THADA: variants seen among roughly 807,000 people sequenced by gnomAD.
THADA encodes THADA armadillo repeat containing.
Under a neutral mutation model 219.8 loss-of-function variants are expected in THADA, and 213 were observed. The ratio of observed to expected loss-of-function variants is 0.97; its 90% CI spans 0.87 to 1.09. The LOEUF is 1.09. Among genes scored for constraint, THADA ranks in the 50% least tolerant of loss-of-function variants. The probability of loss-of-function intolerance (pLI) is 0.00; values close to 1 mark genes in which losing one functional copy is unlikely to be tolerated. For missense variants in THADA, 2,956 were observed against 2,311.3 expected (o/e 1.28, Z -5.72); for synonymous variants, 1,018 against 828.9 (o/e 1.23, Z -3.92).
At chr2:43,480,080 G>A (rs376211158) in intron 26 of THADA, among the ~76,000 whole-genome samples, 2 of 152,174 alleles carry the variant, frequency 1.3e-5, no homozygotes, top group African/African-American at 4.8e-5. Flanking sequence ...GAGGGAATCC[G>A]TTGTTTGGTG....
At chr2:43,471,721 C>T (rs1271103549) in intron 26 of THADA, among the ~76,000 whole-genome samples, 1 of 152,094 alleles carries the variant, frequency 6.6e-6, no homozygotes, top group African/African-American at 2.4e-5. Flanking sequence ...TAGAATAATA[C>T]TATAACATTT....
intron 33 of THADA, 72 bp from the exon 34 acceptor site, chr2:43,291,840 G>T: frequency 1.5e-6 from 2 of 1,357,782 alleles, no homozygotes; most frequent in Non-Finnish European, 2.0e-6. Flanking sequence ...GGTTTTTGCA[G>T]ATAGTCTGTA....
In THADA at chr2:43,563,161, G is replaced by A. The variant is rs1698273259; in HGVS notation, c.2312-2776C>T. ...AAAGTTAACTTGGTTATTAATTCAA[G>A]ATCTTTTAATGTAGGCATTTACAGC... is the stretch of plus-strand genomic sequence containing the variant. On this transcript the variant is annotated intron_variant, in intron 15 of 37. Transcript: ENST00000405975. 8 of 152,234 alleles carry A rather than the reference G, an allele frequency of 5.3e-5. No individual in the cohort carries two copies. In the South Asian group the frequency reaches 1.2e-3, roughly 24 times the overall value. 9.4% of individuals were successfully genotyped at this position (152,234 alleles called of 1,614,324 possible).
At chr2:43,293,335 TCAAACACTGTCATAAGTGAGTGGCC>T in intron 31 of THADA, 122 bp from the exon 32 acceptor site, 1 of 1,087,518 alleles carries the variant, frequency 9.2e-7, no homozygotes, top group Non-Finnish European at 1.3e-6. Context: ...TAAGCAGATT[TCAAACACTGTCATAAGTGAGTGGCC>T]CTCTAAGGTT....
At chr2:43,287,347 T>G (rs1420593848) in intron 34 of THADA, among the ~76,000 whole-genome samples, 1 of 152,074 alleles carries the variant, frequency 6.6e-6, no homozygotes, top group Non-Finnish European at 1.5e-5. Flanking sequence ...CAGGCTGGAG[T>G]GCAATGGTGC....
At chr2:43,538,271 G>C (rs904178910) in intron 21 of THADA, among the ~76,000 whole-genome samples, 1 of 152,156 alleles carries the variant, frequency 6.6e-6, no homozygotes, top group Non-Finnish European at 1.5e-5. Flanking sequence ...ACATCAACTA[G>C]TCAGGAAGTT....
intron 28 of THADA, among the ~76,000 whole-genome samples, chr2:43,399,580 C>CT (rs1354599006): frequency 6.6e-6 from 1 of 152,100 alleles, no homozygotes; most frequent in Non-Finnish European, 1.5e-5. Context: ...AAAAATGTGT[C>CT]TTTTTCCCCC....
chr2:43,541,200 G>T lies in THADA; in HGVS notation c.3223C>A (p.Pro1075Thr). 1 of 1,606,140 alleles carries T rather than the reference G, an allele frequency of 6.2e-7. No individual in the cohort carries two copies. The highest frequency in any genetic ancestry group is 8.5e-7 in the Non-Finnish European group (1 of 1,177,214). The part of the protein sequence containing the change: ...GMLCQLLPMQ[P>T]VPESSDGLLT... ...AATCCATCAGAAGATTCTGGCACAGGCTGCATGGGCAGAAGCTGGCACAAC... is the reference window on the plus strand; with the variant it reads ...AATCCATCAGAAGATTCTGGCACAGTCTGCATGGGCAGAAGCTGGCACAAC... The change falls in exon 21 of 38, where the codon CCT becomes ACT. Residue 1075 changes from proline to threonine, a missense_variant. By Grantham distance (38) the Pro-to-Thr change is conservative (BLOSUM62 -1). Transcript: ENST00000405975.
chr2:43,351,565 G>T lies in THADA; in HGVS notation c.4228-7328C>A, dbSNP rs1348837923. ...GCTCCAACATCTCCTTTAATTTGAT[G>T]ATTTTAAAAAACTGTTTAATCCCAT... On this transcript the variant is annotated intron_variant, in intron 29 of 37. Transcript: ENST00000405975. 3.9e-5 allele frequency among the ~76,000 whole-genome samples: 6 copies of T among 152,128 alleles called. No homozygotes were observed. The East Asian group carries it at 1.2e-3, about 29-fold the overall frequency.
intron 15 of THADA, among the ~76,000 whole-genome samples, chr2:43,561,136 T>C (rs184187366): frequency 6.6e-6 from 1 of 151,200 alleles, no homozygotes; most frequent in Non-Finnish European, 1.5e-5. Flanking sequence ...AAAGAAGGAA[T>C]CTTTTGGCCC....
In THADA at chr2:43,537,933, C is replaced by T. The variant is rs1574141488; in HGVS notation, c.3264+3226G>A. ...CTAGCTTGGGCGCCAGAATGGGACC[C>T]AGACTCAAAAAAAAAAAAAAAAACT... On this transcript the variant is annotated intron_variant, in intron 21 of 37. Transcript: ENST00000405975. 5.9e-5 allele frequency among the ~76,000 whole-genome samples: 8 copies of T among 135,660 alleles called. No individual in the cohort carries two copies. In the South Asian group the frequency reaches 1.9e-3, roughly 32 times the overall value. 89.0% of individuals were successfully genotyped at this position (135,660 alleles called of 152,430 possible).
At chr2:43,442,989 T>C (rs1017630865) in intron 26 of THADA, among the ~76,000 whole-genome samples, 1 of 152,242 alleles carries the variant, frequency 6.6e-6, no homozygotes, top group Non-Finnish European at 1.5e-5. Flanking sequence ...ACACATTCCC[T>C]GATATCTCAA....
At chr2:43,323,279 C>T (rs1678959535) in intron 30 of THADA, among the ~76,000 whole-genome samples, 1 of 152,126 alleles carries the variant, frequency 6.6e-6, no homozygotes, top group Non-Finnish European at 1.5e-5. Flanking sequence ...ATACCTGGGA[C>T]TACAGGTGCA....
At chr2:43,323,734 C>T (rs556781708) in intron 30 of THADA, among the ~76,000 whole-genome samples, 5 of 152,150 alleles carry the variant, frequency 3.3e-5, no homozygotes, top group South Asian at 2.1e-4. Flanking sequence ...AAAAAACCAA[C>T]CAACCAACCA....
At chr2:43,547,786 T>G (rs1246308602) in intron 20 of THADA, among the ~76,000 whole-genome samples, 1 of 152,230 alleles carries the variant, frequency 6.6e-6, no homozygotes, top group Non-Finnish European at 1.5e-5. Context: ...TTCAAAGTTT[T>G]CAACTTCTTT....
intron 25 of THADA, among the ~76,000 whole-genome samples, chr2:43,490,267 G>C (rs1441611537): frequency 6.6e-6 from 1 of 152,068 alleles, no homozygotes; most frequent in Non-Finnish European, 1.5e-5. Flanking sequence ...CTATATTTAA[G>C]ATCATGTCAT....
intron 25 of THADA, among the ~76,000 whole-genome samples, chr2:43,491,050 TTC>T (rs1469106221): frequency 6.6e-6 from 1 of 152,208 alleles, no homozygotes; most frequent in Non-Finnish European, 1.5e-5. Context: ...TCCCCTAGAT[TTC>T]TGTGTGACAG....
At chr2:43,311,511 T>C (rs757351727) in intron 31 of THADA, among the ~76,000 whole-genome samples, 2 of 152,218 alleles carry the variant, frequency 1.3e-5, no homozygotes, top group East Asian at 1.9e-4. Flanking sequence ...ATTCCACTTC[T>C]AGGTAAATAC....
At chr2:43,368,342 C>T (rs755130489) in intron 29 of THADA, among the ~76,000 whole-genome samples, 4 of 152,108 alleles carry the variant, frequency 2.6e-5, no homozygotes, top group Non-Finnish European at 5.9e-5. Context: ...TTTCTCTTTG[C>T]TCAAAGCTAA....
Sources: gnomAD v4.1 joint callset for allele counts (sites outside exome capture counted in the v4.1 genomes callset) on GRCh38, gnomAD v4.1.1 for gene constraint, MANE v1.5 for transcripts, NCBI Gene and HGNC (gene_info 2026-07-23, HGNC 2026-07-21) for gene names.